VWA3B: variants seen among roughly 807,000 people sequenced by gnomAD.
The protein encoded by VWA3B is von Willebrand factor A domain containing 3B.
A neutral mutation model predicts 158.3 loss-of-function variants in VWA3B; 138 were observed. The ratio of observed to expected loss-of-function variants is 0.87; its 90% CI spans 0.76 to 1.00. VWA3B has a LOEUF of 1.00. VWA3B is among the 50% of genes least tolerant of loss of function. The pLI is 0.00. For synonymous variants in VWA3B, 596 were observed against 587.3 expected, an observed-to-expected ratio of 1.01 and a Z score of -0.21; for missense variants, 1,555 against 1,565.1, an observed-to-expected ratio of 0.99 and a Z score of 0.11.
intron 12 of VWA3B, among the ~76,000 whole-genome samples, chr2:98,205,361 A>G (rs1682932074): frequency 6.6e-6 from 1 of 152,198 alleles, no homozygotes; most frequent in Non-Finnish European, 1.5e-5. Context: ...AGTGACTGCA[A>G]GAGATGTTGT....
intron 21 of VWA3B, among the ~76,000 whole-genome samples, chr2:98,268,424 ATTCT>A (rs1182419606): frequency 2.0e-5 from 3 of 152,150 alleles, no homozygotes; most frequent in Non-Finnish European, 4.4e-5. Flanking sequence ...AAGTTCACTG[ATTCT>A]TTCTTCTGCT....
intron 24 of VWA3B, among the ~76,000 whole-genome samples, chr2:98,298,441 T>TCTATGCTATGCTATG (rs781269617): frequency 3.4e-5 from 4 of 118,438 alleles, no homozygotes; most frequent in Non-Finnish European, 7.6e-5. Context: ...TCTATTCTAT[T>TCTATGCTATGCTATG]CTATGCCATG....
At chr2:98,201,200 A>G (rs925125438) in intron 12 of VWA3B, among the ~76,000 whole-genome samples, 4 of 152,240 alleles carry the variant, frequency 2.6e-5, no homozygotes, top group African/African-American at 4.8e-5. Context: ...CCTTAAGTCT[A>G]TAGATCAGAT....
intron 21 of VWA3B, among the ~76,000 whole-genome samples, chr2:98,269,716 A>C (rs1483874925): frequency 1.3e-5 from 2 of 152,006 alleles, no homozygotes; most frequent in East Asian, 3.8e-4. Flanking sequence ...AGGTGCCACA[A>C]CCTCTTCATT....
At chr2:98,193,821 C>G (rs917447481) in intron 11 of VWA3B, among the ~76,000 whole-genome samples, 1 of 152,094 alleles carries the variant, frequency 6.6e-6, no homozygotes, top group African/African-American at 2.4e-5. Context: ...ATCTCCTGAC[C>G]TCGTGATCCG....
At chr2:98,273,539 C>G (rs1688335900) in intron 22 of VWA3B, among the ~76,000 whole-genome samples, 1 of 152,234 alleles carries the variant, frequency 6.6e-6, no homozygotes, top group Non-Finnish European at 1.5e-5. Flanking sequence ...GCACCTAAGA[C>G]TCAAGAGGAC....
chr2:98,150,804 G>A (rs1677562846), intron 7 of VWA3B, among the ~76,000 whole-genome samples: 1 of 152,144 alleles, frequency 6.6e-6, no homozygotes, highest in African/African-American at 2.4e-5. Flanking sequence ...ACAGTCTGTA[G>A]GTGTGATTTT....
At chr2:98,206,659 T>C in intron 12 of VWA3B, 1 of 358,660 alleles carries the variant, frequency 2.8e-6, no homozygotes, top group South Asian at 2.8e-5. Context: ...TTGAGGCTCC[T>C]GAGTTCATGG....
chr2:98,252,030 T>G (rs1686830731), intron 20 of VWA3B, among the ~76,000 whole-genome samples: 1 of 152,144 alleles, frequency 6.6e-6, no homozygotes, highest in Non-Finnish European at 1.5e-5. Flanking sequence ...GCCTCCCAGC[T>G]CGGCTCCTCT....
At chr2:98,322,523 C>A in the VWA3B span, among the ~76,000 whole-genome samples, 2 of 152,188 alleles carry the variant, frequency 1.3e-5, no homozygotes, top group African/African-American at 4.8e-5. Context: ...CAAGAGAGAA[C>A]CCAGGGAACT....
intron 23 of VWA3B, among the ~76,000 whole-genome samples, chr2:98,292,508 G>A (rs1689558368): frequency 1.3e-5 from 2 of 152,120 alleles, no homozygotes; most frequent in Admixed American, 1.3e-4. Flanking sequence ...CATAGGCTAA[G>A]GCATGACACC....
the VWA3B span, among the ~76,000 whole-genome samples, chr2:98,319,247 A>G: frequency 6.6e-6 from 1 of 152,204 alleles, no homozygotes; most frequent in Admixed American, 6.5e-5. Context: ...AGGTACTAGA[A>G]GAAAACATGA....
intron 6 of VWA3B, among the ~76,000 whole-genome samples, chr2:98,128,949 G>T (rs556867264): frequency 1.1e-4 from 16 of 152,352 alleles, no homozygotes; most frequent in African/African-American, 3.1e-4. Flanking sequence ...GGCTGAGCCG[G>T]TGCTTCCCTG....
chr2:98,284,050 G>A (rs931866311), intron 22 of VWA3B, among the ~76,000 whole-genome samples: 1 of 152,230 alleles, frequency 6.6e-6, no homozygotes, highest in Non-Finnish European at 1.5e-5. Context: ...TCTCTTTGAT[G>A]TACTGATTGC....
intron 3 of VWA3B, 145 bp from the exon 4 acceptor site, chr2:98,119,368 C>A: frequency 1.1e-6 from 1 of 894,974 alleles, no homozygotes; most frequent in Non-Finnish European, 1.6e-6. Flanking sequence ...TGTTGAAAGA[C>A]TGGAACCTTT....
intron 8 of VWA3B, among the ~76,000 whole-genome samples, chr2:98,168,588 T>A (rs894018115): frequency 2.0e-5 from 3 of 152,130 alleles, no homozygotes; most frequent in Non-Finnish European, 4.4e-5. Context: ...ACAAGAAAGA[T>A]ATTTAAAAAG....
At chr2:98,098,671 T>C (rs1682877372) in intron 2 of VWA3B, among the ~76,000 whole-genome samples, 1 of 152,136 alleles carries the variant, frequency 6.6e-6, no homozygotes. Flanking sequence ...CCACTCTGTG[T>C]ATTTTGATTG....
chr2:98,120,761 A>C (rs1045913305), intron 4 of VWA3B, among the ~76,000 whole-genome samples: 1 of 152,348 alleles, frequency 6.6e-6, no homozygotes, highest in South Asian at 2.1e-4. Context: ...GGTTTAACCA[A>C]ATTTTCTCAG....
chr2:98,225,680 T>G (rs898359141), intron 14 of VWA3B, among the ~76,000 whole-genome samples: 5 of 146,180 alleles, frequency 3.4e-5, no homozygotes, highest in African/African-American at 1.3e-4. Flanking sequence ...ATGTATTATC[T>G]ACATAGAAAA....
Sources: gnomAD v4.1 joint callset for allele counts (sites outside exome capture counted in the v4.1 genomes callset) on GRCh38, gnomAD v4.1.1 for gene constraint, MANE v1.5 for transcripts, NCBI Gene and HGNC (gene_info 2026-07-23, HGNC 2026-07-21) for gene names.